The following SSBP2 variants were observed in gnomAD, a reference collection of about 807,000 sequenced individuals.
The protein encoded by SSBP2 is single stranded DNA binding protein 2.
SSBP2 carries 17 observed loss-of-function variants against 61.8 expected under a neutral mutation model. The ratio of observed to expected loss-of-function variants is 0.28; its 90% CI spans 0.19 to 0.41. The LOEUF is 0.41. Among genes scored for constraint, SSBP2 ranks in the 10% least tolerant of loss-of-function variants. SSBP2 has a pLI of 1.00. For synonymous variants in SSBP2, 139 were observed against 141.3 expected (o/e 0.98, Z 0.12); for missense variants, 310 against 458.7 (o/e 0.68, Z 2.96).
At chr5:81,603,950 T>C (rs564528706) in intron 4 of SSBP2, among the ~76,000 whole-genome samples, 2 of 152,226 alleles carry the variant, frequency 1.3e-5, no homozygotes, top group South Asian at 2.1e-4. Context: ...TAAGAAAATA[T>C]ATGCAAACCA....
chr5:81,548,122 G>A (rs970463955), intron 4 of SSBP2, among the ~76,000 whole-genome samples: 1 of 152,124 alleles, frequency 6.6e-6, no homozygotes, highest in African/African-American at 2.4e-5. Context: ...TAATCTTTTT[G>A]CTGTTGGAGG....
intron 5 of SSBP2, among the ~76,000 whole-genome samples, chr5:81,496,114 T>C (rs1767255516): frequency 1.3e-5 from 2 of 152,202 alleles, no homozygotes; most frequent in South Asian, 2.1e-4. Flanking sequence ...TAAAGTAACT[T>C]TGGACTTTTT....
At position 81,732,447 on chromosome 5, in the gene SSBP2, G is replaced by C. The variant is rs190513079; in HGVS notation, c.62+18534C>G. ...ATAATGTTTTAAATAAAATGATTTT[G>C]CTTTTACATATAAGCTATCACAACT... On this transcript the variant is annotated intron_variant, in intron 1 of 16. Transcript: ENST00000320672. 3.1e-3 allele frequency among the ~76,000 whole-genome samples: 470 copies of C among 152,188 alleles called. 2 individuals carry two copies. The highest frequency in any genetic ancestry group is 4.0e-3 in the Non-Finnish European group (272 of 67,984).
chr5:81,656,114 C>T (rs942946707), intron 1 of SSBP2, among the ~76,000 whole-genome samples: 4 of 152,084 alleles, frequency 2.6e-5, no homozygotes, highest in Admixed American at 6.6e-5. Flanking sequence ...TGCAGTGGCG[C>T]GATCTTGGCT....
intron 2 of SSBP2, among the ~76,000 whole-genome samples, chr5:81,649,401 T>C (rs915219956): frequency 6.6e-6 from 1 of 151,846 alleles, no homozygotes; most frequent in Non-Finnish European, 1.5e-5. Context: ...GTGGATTAGA[T>C]GAAGATGGGG....
intron 4 of SSBP2, among the ~76,000 whole-genome samples, chr5:81,526,044 A>G (rs1346926354): frequency 6.6e-6 from 1 of 152,068 alleles, no homozygotes. Context: ...TCATCTTCTA[A>G]AAATATCATA....
intron 4 of SSBP2, among the ~76,000 whole-genome samples, chr5:81,557,883 C>G (rs1772727502): frequency 6.6e-6 from 1 of 152,130 alleles, no homozygotes; most frequent in Non-Finnish European, 1.5e-5. Flanking sequence ...CTGGTAATGT[C>G]TGATTGAAAT....
chr5:81,650,654 C>T (rs1749646775), intron 1 of SSBP2, among the ~76,000 whole-genome samples: 1 of 151,910 alleles, frequency 6.6e-6, no homozygotes, highest in African/African-American at 2.4e-5. Flanking sequence ...TCTCTAAATC[C>T]CATTTGAAGA....
chr5:81,480,343 T>G (rs897223065), intron 6 of SSBP2, among the ~76,000 whole-genome samples: 2 of 152,186 alleles, frequency 1.3e-5, no homozygotes, highest in Admixed American at 6.5e-5. Flanking sequence ...TCATATGAAT[T>G]TTTTGGTTTC....
chr5:81,498,281 G>T (rs1210691570), intron 5 of SSBP2, among the ~76,000 whole-genome samples: 1 of 151,922 alleles, frequency 6.6e-6, no homozygotes, highest in East Asian at 1.9e-4. Context: ...AAAACACAAG[G>T]TACAAAGTGA....
At chr5:81,658,644 G>GT in intron 1 of SSBP2, among the ~76,000 whole-genome samples, 1 of 152,174 alleles carries the variant, frequency 6.6e-6, no homozygotes, top group African/African-American at 2.4e-5. Context: ...GACTGTATAA[G>GT]TGAGATTATA....
At chr5:81,597,246 C>A (rs1000459391) in intron 4 of SSBP2, among the ~76,000 whole-genome samples, 1 of 152,104 alleles carries the variant, frequency 6.6e-6, no homozygotes, top group Non-Finnish European at 1.5e-5. Flanking sequence ...GCAGCCAAAA[C>A]ACACATGAAA....
At position 81,590,846 on chromosome 5, in the gene SSBP2, A is replaced by C. The variant is rs111316839; in HGVS notation, c.282+24627T>G. On this transcript the variant is annotated intron_variant, in intron 4 of 16. Transcript: ENST00000320672. Reference sequence around the variant, plus strand: ...CATTACAGCTGTGGGAAAACAGTAGAATAACCTCCAGCCCTGGGGAAGAAG... The same window carrying C: ...CATTACAGCTGTGGGAAAACAGTAGCATAACCTCCAGCCCTGGGGAAGAAG... Among the ~76,000 whole-genome samples, 772 of 152,310 alleles carry C rather than the reference A, an allele frequency of 5.1e-3. 7 individuals carry two copies. The highest frequency in any genetic ancestry group is 0.017 in the African/African-American group (719 of 41,572).
At chr5:81,749,081 G>A (rs1283501370) in intron 1 of SSBP2, among the ~76,000 whole-genome samples, 7 of 152,114 alleles carry the variant, frequency 4.6e-5, no homozygotes, top group African/African-American at 7.2e-5. Context: ...AATATTCTGT[G>A]ATCATTAAAA....
chr5:81,439,008 G>A lies in SSBP2; in HGVS notation c.928+1550C>T, dbSNP rs1318536280. Among the ~76,000 whole-genome samples, 3 of 152,132 alleles carry A rather than the reference G, an allele frequency of 2.0e-5. No individual in the cohort carries two copies. In the East Asian group the frequency reaches 5.8e-4, roughly 29 times the overall value. On this transcript the variant is annotated intron_variant, in intron 14 of 16. Coordinates refer to ENST00000320672, the MANE Select transcript of SSBP2 (RefSeq NM_012446.5). ...ACATGGCTAGTGGCTAGTGCAATTG[G>A]ACAGTGCAAATCAAGACTTTGCAAT...
rs1761296065 is a variant in SSBP2, at chr5:81,415,949, AT to A, written c.*4554del. The A allele has an allele frequency of 6.7e-6, 1 of 149,144 alleles. No individual in the cohort carries two copies. The highest frequency in any genetic ancestry group is 6.7e-5 in the Admixed American group (1 of 14,864). The allele number at this position is 149,144 out of a possible 1,614,324, so 9.2% of individuals were successfully genotyped here. ...AAAAAAGAGGAAAACCTGATCAAGC[AT>A]AGTGGCTCATGCCTGTAATCCCAGC... On this transcript the variant is annotated 3_prime_UTR_variant, in exon 17 of 17. Coordinates refer to ENST00000320672, the MANE Select transcript of SSBP2 (RefSeq NM_012446.5).
At chr5:81,600,521 C>T (rs1744249243) in intron 4 of SSBP2, among the ~76,000 whole-genome samples, 1 of 139,728 alleles carries the variant, frequency 7.2e-6, no homozygotes, top group Non-Finnish European at 1.5e-5. Context: ...GAGATCACGC[C>T]ACTGCACTCT....
chr5:81,485,573 C>G (rs1339381728), intron 6 of SSBP2, among the ~76,000 whole-genome samples: 4 of 152,082 alleles, frequency 2.6e-5, no homozygotes, highest in Non-Finnish European at 5.9e-5. Flanking sequence ...ATTTCTATTT[C>G]CTTAGATACA....
At chr5:81,527,973 A>T (rs1379800400) in intron 4 of SSBP2, among the ~76,000 whole-genome samples, 1 of 151,918 alleles carries the variant, frequency 6.6e-6, no homozygotes, top group African/African-American at 2.4e-5. Flanking sequence ...CAGAAAAAAC[A>T]ATTGACTACC....
Sources: allele counts gnomAD v4.1 joint callset (sites outside exome capture counted in the v4.1 genomes callset), GRCh38; gene constraint gnomAD v4.1.1; transcripts MANE v1.5; gene names NCBI Gene and HGNC (gene_info 2026-07-23, HGNC 2026-07-21).